PCDH7: variants seen among roughly 807,000 people sequenced by gnomAD.
The protein encoded by PCDH7 is protocadherin-7.
In PCDH7, 17 loss-of-function variants were observed where a neutral mutation model predicts 58.9. The ratio of observed to expected loss-of-function variants is 0.29; its 90% CI spans 0.20 to 0.43. The LOEUF (loss-of-function observed/expected upper bound fraction) is 0.43. PCDH7 is among the 20% of genes least tolerant of loss of function. The pLI, the probability that PCDH7 is intolerant of heterozygous loss-of-function variation, is 1.00. For missense variants in PCDH7, 1,274 were observed against 1,441.0 expected (o/e 0.88, Z 1.88); for synonymous variants, 664 against 616.4 (o/e 1.08, Z -1.14).
chr4:31,105,207 C>A (rs1181742288), intron 3 of PCDH7, among the ~76,000 whole-genome samples: 1 of 152,056 alleles, frequency 6.6e-6, no homozygotes. Context: ...AAGTAAAGGA[C>A]ACTTTAAATA....
At chr4:30,931,823 CTTTTT>C (rs59504939) in intron 2 of PCDH7, among the ~76,000 whole-genome samples, 7 of 140,282 alleles carry the variant, frequency 5.0e-5, no homozygotes, top group African/African-American at 1.3e-4. Context: ...TTTTTCAGGA[CTTTTT>C]TTTTTTTTTT....
intron 1 of PCDH7, among the ~76,000 whole-genome samples, chr4:30,756,747 A>T (rs1719362043): frequency 6.6e-6 from 1 of 152,136 alleles, no homozygotes; most frequent in African/African-American, 2.4e-5. Context: ...TCTTGCTTAG[A>T]TGTCTAACAT....
Position 30,927,297 on chromosome 4 carries a change from A to G in PCDH7, c.287+6928A>G, listed in dbSNP as rs749030143. On this transcript the variant is annotated intron_variant, in intron 2 of 3. Transcript: ENST00000509759. The stretch of plus-strand genomic sequence containing the variant: ...TGATGTTATTGCCAGATTTATGTAT[A>G]AAAAAACCTTGTGCTGTGAGGAGCC... 4.6e-5 allele frequency among the ~76,000 whole-genome samples: 7 copies of G among 152,180 alleles called. No individual in the cohort carries two copies. The South Asian group carries it at 6.2e-4, about 13-fold the overall frequency.
intron 1 of PCDH7, among the ~76,000 whole-genome samples, chr4:30,757,945 C>CAG (rs34907707): frequency 0.55 from 82,780 of 151,688 alleles, 23,274 homozygotes; most frequent in African/African-American, 0.68. Flanking sequence ...GGTGTTAGGA[C>CAG]GGGAAAGAAC....
chr4:30,847,618 A>T (rs1732158637), intron 1 of PCDH7, among the ~76,000 whole-genome samples: 1 of 152,198 alleles, frequency 6.6e-6, no homozygotes, highest in Admixed American at 6.6e-5. Context: ...TAGATAGTTT[A>T]GTGAAACTTT....
chr4:31,078,418 G>T (rs1449709142), intron 3 of PCDH7, among the ~76,000 whole-genome samples: 1 of 151,832 alleles, frequency 6.6e-6, no homozygotes, highest in Non-Finnish European at 1.5e-5. Flanking sequence ...AAGTAGCCAG[G>T]GCTACAGGCA....
At chr4:31,130,099 GCTT>G (rs768337418) in intron 3 of PCDH7, among the ~76,000 whole-genome samples, 2 of 152,132 alleles carry the variant, frequency 1.3e-5, no homozygotes, top group Non-Finnish European at 2.9e-5. Context: ...ACCTGACACT[GCTT>G]CTTAGATGTT....
chr4:30,990,377 T>C (rs1291619617), intron 3 of PCDH7, among the ~76,000 whole-genome samples: 1 of 152,062 alleles, frequency 6.6e-6, no homozygotes, highest in Non-Finnish European at 1.5e-5. Context: ...GATAGCAACT[T>C]GAATGATAGA....
At chr4:31,035,364 G>A (rs777219288) in intron 3 of PCDH7, among the ~76,000 whole-genome samples, 2 of 145,444 alleles carry the variant, frequency 1.4e-5, no homozygotes, top group African/African-American at 2.6e-5. Flanking sequence ...AGCGATTCTC[G>A]TGCCTCAGCC....
In PCDH7 at chr4:31,032,730, A is replaced by G. The variant is rs75701382; in HGVS notation, c.*7+82515A>G. On this transcript the variant is annotated intron_variant, in intron 3 of 3. Coordinates refer to the PCDH7 transcript ENST00000509759. ...AGAGAGGGAGGGAGGGAAAGAGTAC[A>G]TGTCATTGCGAGCACTTGATTTTTA... 3.3e-3 allele frequency among the ~76,000 whole-genome samples: 475 copies of G among 143,356 alleles called. 4 individuals carry two copies. Among genetic ancestry groups the G allele is most frequent in the African/African-American group, 0.012 (433 of 36,534 alleles). The allele number at this position is 143,356 out of a possible 152,430, so 94.0% of individuals were successfully genotyped here.
downstream of PCDH7, among the ~76,000 whole-genome samples, chr4:30,735,438 G>A (rs61796164): frequency 0.13 from 19,508 of 152,040 alleles, 1,519 homozygotes; most frequent in East Asian, 0.3. Context: ...AGAGCAGAGC[G>A]ATGCCTTGCA....
At chr4:31,036,091 A>G (rs1755388569) in intron 3 of PCDH7, among the ~76,000 whole-genome samples, 1 of 152,240 alleles carries the variant, frequency 6.6e-6, no homozygotes, top group Non-Finnish European at 1.5e-5. Flanking sequence ...GTTTTACACA[A>G]AATGTGAAGG....
At chr4:31,124,904 A>G (rs969314645) in intron 3 of PCDH7, among the ~76,000 whole-genome samples, 2 of 152,182 alleles carry the variant, frequency 1.3e-5, no homozygotes, top group African/African-American at 4.8e-5. Context: ...CTCACATCTA[A>G]TTCGCCAAGG....
chr4:31,079,500 A>G (rs1759320251), intron 3 of PCDH7, among the ~76,000 whole-genome samples: 1 of 151,240 alleles, frequency 6.6e-6, no homozygotes, highest in Non-Finnish European at 1.5e-5. Context: ...ATACTATTTG[A>G]CAACCATCAG....
At chr4:30,731,814 T>A (rs1055011653) in exon 2 of PCDH7, 9 of 152,176 alleles carry the variant, frequency 5.9e-5, no homozygotes, top group Non-Finnish European at 1.5e-5. Flanking sequence ...TACCTCTTTA[T>A]GTTTGTATGT....
chr4:31,015,065 A>G (rs1486140719), intron 3 of PCDH7, among the ~76,000 whole-genome samples: 1 of 152,322 alleles, frequency 6.6e-6, no homozygotes, highest in Non-Finnish European at 1.5e-5. Context: ...GTGTTTTTCC[A>G]TATCACCAAT....
At chr4:31,094,762 G>A (rs1253433604) in intron 3 of PCDH7, among the ~76,000 whole-genome samples, 1 of 152,092 alleles carries the variant, frequency 6.6e-6, no homozygotes, top group Non-Finnish European at 1.5e-5. Flanking sequence ...CTGCTCTTCT[G>A]ATACATTTCC....
chr4:31,019,192 A>G (rs1753834628), intron 3 of PCDH7, among the ~76,000 whole-genome samples: 1 of 152,150 alleles, frequency 6.6e-6, no homozygotes, highest in Non-Finnish European at 1.5e-5. Flanking sequence ...ATAAATGTCT[A>G]TATATATGTG....
chr4:30,817,568 T>G (rs1347707167), intron 1 of PCDH7, among the ~76,000 whole-genome samples: 1 of 152,162 alleles, frequency 6.6e-6, no homozygotes, highest in Non-Finnish European at 1.5e-5. Flanking sequence ...TAGAGACTTA[T>G]GTAATTTGTT....
Sources: gnomAD v4.1 joint callset for allele counts (sites outside exome capture counted in the v4.1 genomes callset) on GRCh38, gnomAD v4.1.1 for gene constraint, MANE v1.5 for transcripts, NCBI Gene and HGNC (gene_info 2026-07-23, HGNC 2026-07-21) for gene names.